Variants in HGD observed in about 807,000 individuals in gnomAD.
HGD encodes homogentisate 1,2-dioxygenase.
In HGD, 61 loss-of-function variants were observed where a neutral mutation model predicts 60.8. The ratio of observed to expected loss-of-function variants is 1.00; its 90% CI spans 0.82 to 1.24. The LOEUF is 1.24. HGD is among the 50% of genes most tolerant of loss of function. HGD has a pLI of 0.00. For missense variants in HGD, 542 were observed against 547.1 expected, an observed-to-expected ratio of 0.99 and a Z score of 0.09; for synonymous variants, 212 against 187.7, an observed-to-expected ratio of 1.13 and a Z score of -1.06.
chr3:120,658,571 T>C (rs1171163380), intron 4 of HGD, among the ~76,000 whole-genome samples: 1 of 152,166 alleles, frequency 6.6e-6, no homozygotes, highest in African/African-American at 2.4e-5. Context: ...GTGCAATCTG[T>C]GGATGGATCT....
intron 4 of HGD, among the ~76,000 whole-genome samples, chr3:120,668,682 T>C (rs1053439091): frequency 6.6e-6 from 1 of 152,238 alleles, no homozygotes; most frequent in Non-Finnish European, 1.5e-5. Flanking sequence ...GCCTATCACA[T>C]GCCAGGCATT....
At chr3:120,668,380 G>A (rs935913461) in intron 4 of HGD, among the ~76,000 whole-genome samples, 1 of 152,030 alleles carries the variant, frequency 6.6e-6, no homozygotes, top group Non-Finnish European at 1.5e-5. Flanking sequence ...GGAAACCAAA[G>A]GTGTCTATAA....
At chr3:120,659,941 A>G (rs2320006) in intron 4 of HGD, among the ~76,000 whole-genome samples, 16,007 of 121,804 alleles carry the variant, frequency 0.13, 1,248 homozygotes, top group Middle Eastern at 0.19. Flanking sequence ...AGCAAGAGAG[A>G]GTGGGGGGTG....
rs982801587 is a variant in HGD at position 120,628,320 on chromosome 3, A to G, written c.*60T>C. On this transcript the variant is annotated 3_prime_UTR_variant, in exon 14 of 14. Coordinates refer to ENST00000283871, the MANE Select transcript of HGD (RefSeq NM_000187.4). ...CCCTCCTCCAATACTACCAGAAAGC[A>G]TGAGATTCTGAAGAAATCTTCACAA... 42 of 1,562,190 alleles carry G rather than the reference A, an allele frequency of 2.7e-5. No homozygotes were observed. The African/African-American group carries it at 5.7e-4, about 21-fold the overall frequency.
At chr3:120,655,361 A>T (rs1428264617) in intron 4 of HGD, among the ~76,000 whole-genome samples, 2 of 152,218 alleles carry the variant, frequency 1.3e-5, no homozygotes, top group Admixed American at 1.3e-4. Flanking sequence ...CACAATCCGG[A>T]AGAAGCAACG....
At chr3:120,675,100 C>T (rs1708100492) in intron 2 of HGD, 111 bp from the exon 3 acceptor site, 1 of 737,136 alleles carries the variant, frequency 1.4e-6, no homozygotes, top group Non-Finnish European at 2.5e-6. Flanking sequence ...TGCACATGAC[C>T]ATCTGCAACC....
chr3:120,674,838 C>T (rs991470598), intron 3 of HGD, 63 bp downstream of exon 3: 3 of 1,091,790 alleles, frequency 2.7e-6, no homozygotes, highest in East Asian at 2.4e-5. Context: ...GGGAAGGAGG[C>T]AGCACAAAGT....
Position 120,669,756 on chromosome 3 carries a change from G to A in HGD, c.282+671C>T, listed in dbSNP as rs553687273. 4.6e-5 allele frequency among the ~76,000 whole-genome samples: 7 copies of A among 152,272 alleles called. No individual in the cohort carries two copies. The South Asian group carries it at 6.2e-4, about 14-fold the overall frequency. ...TCGTCTTCTACTAGTGTCTGCACTG[G>A]AATCTCTCAGAACCTATCCTGGCTC... On this transcript the variant is annotated intron_variant, in intron 4 of 13. Coordinates refer to ENST00000283871, the MANE Select transcript of HGD (RefSeq NM_000187.4).
At chr3:120,631,736 A>G (rs1186376889) in intron 13 of HGD, among the ~76,000 whole-genome samples, 2 of 152,180 alleles carry the variant, frequency 1.3e-5, no homozygotes, top group Non-Finnish European at 2.9e-5. Flanking sequence ...ATATAATGGG[A>G]AATGGTGAGG....
intron 3 of HGD, among the ~76,000 whole-genome samples, chr3:120,671,399 G>T (rs1241673575): frequency 6.6e-6 from 1 of 151,950 alleles, no homozygotes; most frequent in Admixed American, 6.6e-5. Context: ...TTGTTTATTG[G>T]CTCTTTATAG....
At chr3:120,658,491 T>C (rs1198638225) in intron 4 of HGD, among the ~76,000 whole-genome samples, 1 of 152,226 alleles carries the variant, frequency 6.6e-6, no homozygotes, top group Non-Finnish European at 1.5e-5. Flanking sequence ...CAGGTGGCTT[T>C]GCAGGATTCA....
intron 3 of HGD, 71 bp downstream of exon 3, chr3:120,674,830 G>T (rs1708091694): frequency 2.0e-6 from 2 of 1,016,320 alleles, no homozygotes; most frequent in African/African-American, 3.2e-5. Flanking sequence ...TGGCCCAGGG[G>T]AAGGAGGCAG....
At chr3:120,668,827 C>T (rs1354141790) in intron 4 of HGD, among the ~76,000 whole-genome samples, 3 of 152,050 alleles carry the variant, frequency 2.0e-5, no homozygotes. Context: ...GGGATGCAAA[C>T]CCAGGTCTGT....
chr3:120,681,410 T>C (rs1708227948), intron 1 of HGD, among the ~76,000 whole-genome samples: 1 of 152,224 alleles, frequency 6.6e-6, no homozygotes, highest in Admixed American at 6.5e-5. Flanking sequence ...TTTTTGAGCC[T>C]GGACTTCGCA....
intron 11 of HGD, among the ~76,000 whole-genome samples, chr3:120,638,877 G>A (rs775694427): frequency 1.3e-5 from 2 of 152,034 alleles, no homozygotes; most frequent in African/African-American, 4.8e-5. Context: ...GACCCGGTGG[G>A]AGGTAACTGA....
intron 11 of HGD, among the ~76,000 whole-genome samples, chr3:120,640,615 T>C (rs1170724915): frequency 2.6e-5 from 4 of 152,248 alleles, no homozygotes; most frequent in Non-Finnish European, 4.4e-5. Context: ...CCAACCCTTA[T>C]TGCTGTGAGA....
chr3:120,672,787 C>T (rs1322083290), intron 3 of HGD, among the ~76,000 whole-genome samples: 1 of 152,186 alleles, frequency 6.6e-6, no homozygotes, highest in Non-Finnish European at 1.5e-5. Context: ...AAATGCCTGG[C>T]ATACAGTAGC....
intron 4 of HGD, among the ~76,000 whole-genome samples, chr3:120,662,887 A>G (rs1423688862): frequency 5.9e-5 from 9 of 152,304 alleles, no homozygotes; most frequent in African/African-American, 2.2e-4. Context: ...CTTTACAGGA[A>G]TAATTAAACT....
At chr3:120,644,626 A>G (rs1941102932) in intron 9 of HGD, 183 bp from the exon 10 acceptor site, 1 of 1,529,524 alleles carries the variant, frequency 6.5e-7, no homozygotes, top group Non-Finnish European at 8.7e-7. Flanking sequence ...GAATCTGGTC[A>G]GAAAAAAATT....
Sources: gnomAD v4.1 joint callset for allele counts (sites outside exome capture counted in the v4.1 genomes callset) on GRCh38, gnomAD v4.1.1 for gene constraint, MANE v1.5 for transcripts, NCBI Gene and HGNC (gene_info 2026-07-23, HGNC 2026-07-21) for gene names.